The following TM4SF20 variants were observed in gnomAD, a reference collection of about 807,000 sequenced individuals.
The protein encoded by TM4SF20 is transmembrane 4 L six family member 20.
A neutral mutation model predicts 15.1 loss-of-function variants in TM4SF20; 13 were observed. The observed-to-expected ratio is 0.86, with a 90% CI of 0.56 to 1.36. TM4SF20 has a LOEUF of 1.36. TM4SF20 is among the 40% of genes most tolerant of loss of function. TM4SF20 has a pLI of 0.00. For synonymous variants in TM4SF20, 92 were observed against 96.6 expected (o/e 0.95, Z 0.28); for missense variants, 282 against 268.4 (o/e 1.05, Z -0.35).
In TM4SF20 at chr2:227,362,406, CAT is replaced by C. The variant is rs1278322123; in HGVS notation, c.*1316_*1317del. 2.6e-5 allele frequency: 4 copies of C among 152,142 alleles called. No individual in the cohort carries two copies. The highest frequency in any genetic ancestry group is 7.2e-5 in the African/African-American group (3 of 41,428). The allele number at this position is 152,142 out of a possible 1,614,324, so 9.4% of individuals were successfully genotyped here. ...GCTTTTGGTTGAAGTAATTTTAAAACATATAAATATGCATTTCTTTTTTTAAA... is the reference window on the plus strand; with the variant it reads ...GCTTTTGGTTGAAGTAATTTTAAAACATAAATATGCATTTCTTTTTTTAAA... On this transcript the variant is annotated 3_prime_UTR_variant, in exon 4 of 4. Coordinates refer to ENST00000304568, the MANE Select transcript of TM4SF20 (RefSeq NM_024795.4).
chr2:227,374,376 C>T (rs1001440617), intron 1 of TM4SF20, among the ~76,000 whole-genome samples: 5 of 152,100 alleles, frequency 3.3e-5, no homozygotes, highest in Non-Finnish European at 7.3e-5. Context: ...CAACCGCTTT[C>T]CCATTCAGAG....
chr2:227,378,880 C>T (rs2076464247), intron 1 of TM4SF20, among the ~76,000 whole-genome samples: 1 of 152,088 alleles, frequency 6.6e-6, no homozygotes, highest in South Asian at 2.1e-4. Context: ...TATTTTTTTG[C>T]CCAGCTCTCT....
chr2:227,365,650 ATG>A (rs1170702210), intron 3 of TM4SF20, among the ~76,000 whole-genome samples: 7 of 152,194 alleles, frequency 4.6e-5, no homozygotes, highest in African/African-American at 1.7e-4. Flanking sequence ...TAAATTGTAA[ATG>A]TAATATTTGC....
intron 1 of TM4SF20, among the ~76,000 whole-genome samples, chr2:227,372,495 T>G (rs570068631): frequency 6.6e-6 from 1 of 151,792 alleles, no homozygotes; most frequent in Non-Finnish European, 1.5e-5. Flanking sequence ...AATACAAAAA[T>G]TAGCTGGGCG....
At chr2:227,367,146 C>T (rs752137616) in intron 2 of TM4SF20, among the ~76,000 whole-genome samples, 95 of 152,296 alleles carry the variant, frequency 6.2e-4, no homozygotes, top group Non-Finnish European at 1.1e-3. Context: ...ATGCCAATAT[C>T]ATCCCCCGAC....
chr2:227,375,868 T>C (rs55805959), intron 1 of TM4SF20, among the ~76,000 whole-genome samples: 51,655 of 152,030 alleles, frequency 0.34, 8,784 homozygotes, highest in East Asian at 0.4. Flanking sequence ...GTGAACTCAA[T>C]GAATAAGCAT....
intron 2 of TM4SF20, among the ~76,000 whole-genome samples, chr2:227,367,284 T>TAC (rs2076397841): frequency 6.6e-6 from 1 of 152,154 alleles, no homozygotes; most frequent in Non-Finnish European, 1.5e-5. Flanking sequence ...AGAAAGATTG[T>TAC]ACACATCTTT....
At chr2:227,367,468 G>C (rs2076398718) in intron 2 of TM4SF20, among the ~76,000 whole-genome samples, 1 of 151,930 alleles carries the variant, frequency 6.6e-6, no homozygotes, top group Admixed American at 6.6e-5. Flanking sequence ...GAGCCCAGGA[G>C]TTCGAGACTA....
chr2:227,364,026 G>A lies in TM4SF20; in HGVS notation c.402-14C>T. The A allele has an allele frequency of 6.3e-7, 1 of 1,598,596 alleles. No homozygotes were observed. Among genetic ancestry groups the A allele is most frequent in the Non-Finnish European group, 8.5e-7 (1 of 1,171,922 alleles). Reference sequence around the variant, plus strand: ...GGATGAATGTCACTGAAAAACAAAAGATAAAAATCAGATATTCAGAAATAT... The same window carrying A: ...GGATGAATGTCACTGAAAAACAAAAAATAAAAATCAGATATTCAGAAATAT... On this transcript the variant is annotated splice_polypyrimidine_tract_variant and intron_variant, in intron 3 of 3. Transcript: ENST00000304568.
chr2:227,366,390 C>G (rs990239377), intron 2 of TM4SF20, 146 bp from the exon 3 acceptor site: 6 of 659,700 alleles, frequency 9.1e-6, no homozygotes, highest in African/African-American at 7.3e-5. Context: ...GTGAATGATA[C>G]AAAAAGGCAG....
chr2:227,379,423 G>A, upstream of TM4SF20: 1 of 546,434 alleles, frequency 1.8e-6, no homozygotes, highest in Admixed American at 3.6e-5. Context: ...TTATTATGAT[G>A]ACTATGATGG....
chr2:227,376,513 A>G (rs955342963), intron 1 of TM4SF20, among the ~76,000 whole-genome samples: 1 of 152,224 alleles, frequency 6.6e-6, no homozygotes, highest in Admixed American at 6.5e-5. Flanking sequence ...GGACTTTTCA[A>G]AGAGTTGTCT....
chr2:227,368,019 A>ATTTTT (rs1226126996), intron 2 of TM4SF20, among the ~76,000 whole-genome samples: 6 of 120,550 alleles, frequency 5.0e-5, no homozygotes, highest in African/African-American at 6.8e-5. Flanking sequence ...TTAACCATCT[A>ATTTTT]TTTTTTTTTT....
At chr2:227,380,819 TCC>T (rs2076476352), upstream of TM4SF20, among the ~76,000 whole-genome samples, 1 of 152,100 alleles carries the variant, frequency 6.6e-6, no homozygotes, top group African/African-American at 2.4e-5. Flanking sequence ...AGAGCAGCGC[TCC>T]ACCCTGCAGC....
chr2:227,377,546 G>A (rs1421965366), intron 1 of TM4SF20, among the ~76,000 whole-genome samples: 2 of 152,080 alleles, frequency 1.3e-5, no homozygotes, highest in Non-Finnish European at 2.9e-5. Flanking sequence ...GTAAATCTGG[G>A]GATAATACCA....
chr2:227,362,072 A>G lies in TM4SF20; in HGVS notation c.*1652T>C, dbSNP rs754335376. The stretch of plus-strand genomic sequence containing the variant: ...TGTTACTAAATTTATTTAGGCAGCT[A>G]TAATGTAGGTACTGCAAATTATTTC... On this transcript the variant is annotated 3_prime_UTR_variant, in exon 4 of 4. Coordinates refer to ENST00000304568, the MANE Select transcript of TM4SF20 (RefSeq NM_024795.4). 3 of 152,262 alleles carry G rather than the reference A, an allele frequency of 2.0e-5. No homozygotes were observed. The highest frequency in any genetic ancestry group is 2.9e-5 in the Non-Finnish European group (2 of 68,044). 9.4% of individuals were successfully genotyped at this position (152,262 alleles called of 1,614,324 possible).
intron 1 of TM4SF20, among the ~76,000 whole-genome samples, chr2:227,372,909 G>T (rs982905566): frequency 6.6e-6 from 1 of 151,974 alleles, no homozygotes; most frequent in African/African-American, 2.4e-5. Flanking sequence ...TTGTAGAGAC[G>T]GGGATTTTGC....
chr2:227,366,716 CAAAAAAAAAA>C (rs59401554), intron 2 of TM4SF20, among the ~76,000 whole-genome samples: 12 of 68,218 alleles, frequency 1.8e-4, no homozygotes, highest in Admixed American at 7.4e-4. Flanking sequence ...AAGACTCTGT[CAAAAAAAAAA>C]AAAAAAAAAA....
At chr2:227,370,859 A>G in intron 2 of TM4SF20, 56 bp downstream of exon 2, 1 of 1,458,150 alleles carries the variant, frequency 6.9e-7, no homozygotes, top group Non-Finnish European at 9.6e-7. Context: ...GGCTTTGCTT[A>G]GGTAGCAATA....
Sources: allele counts gnomAD v4.1 joint callset (sites outside exome capture counted in the v4.1 genomes callset), GRCh38; gene constraint gnomAD v4.1.1; transcripts MANE v1.5; gene names NCBI Gene and HGNC (gene_info 2026-07-23, HGNC 2026-07-21).